ZNF354B: variants seen among roughly 807,000 people sequenced by gnomAD.
ZNF354B encodes zinc finger protein 354B.
A neutral mutation model predicts 12.9 loss-of-function variants in ZNF354B; 10 were observed. The observed-to-expected ratio is 0.77, with a 90% confidence interval of 0.48 to 1.31. The LOEUF (loss-of-function observed/expected upper bound fraction) is 1.31, where lower values mean the gene tolerates loss of function less well. Among genes scored for constraint, ZNF354B ranks in the 40% most tolerant of loss-of-function variants. ZNF354B has a pLI of 0.00. For synonymous variants in ZNF354B, 260 were observed against 243.7 expected, an observed-to-expected ratio of 1.07 and a Z score of -0.62; for missense variants, 614 against 711.7, an observed-to-expected ratio of 0.86 and a Z score of 1.56.
Position 178,883,944 on chromosome 5 carries a change from G to C in ZNF354B, c.1492G>C (p.Glu498Gln), listed in dbSNP as rs764661180. The change falls in exon 5 of 5, where the codon GAA becomes CAA. Residue 498 changes from glutamate to glutamine, a missense_variant. By Grantham distance (29) the Glu-to-Gln change is conservative. Transcript: ENST00000322434. ...TGGAGAAAGACCCTATAAGTGTAAC[G>C]AATGTGACAAAACATTCAGGTGTAA... is the stretch of plus-strand genomic sequence containing the variant. ...HTGERPYKCN[E>Q]CDKTFRCNSS... 6.2e-7 allele frequency: 1 copy of C among 1,614,068 alleles called. No homozygotes were observed. The highest frequency in any genetic ancestry group is 1.1e-5 in the South Asian group (1 of 91,078).
At chr5:178,861,532 A>G (rs938668089) in intron 2 of ZNF354B, among the ~76,000 whole-genome samples, 2 of 152,112 alleles carry the variant, frequency 1.3e-5, no homozygotes, top group Non-Finnish European at 2.9e-5. Flanking sequence ...TGTGAATCAT[A>G]TTCTTTGCTT....
At chr5:178,882,093 A>T (rs182975916) in intron 4 of ZNF354B, among the ~76,000 whole-genome samples, 1 of 152,178 alleles carries the variant, frequency 6.6e-6, no homozygotes, top group East Asian at 1.9e-4. Flanking sequence ...TATGTATTCT[A>T]TTATGTTGAG....
intron 2 of ZNF354B, among the ~76,000 whole-genome samples, chr5:178,861,639 T>C (rs112230731): frequency 0.022 from 3,364 of 149,990 alleles, 56 homozygotes; most frequent in Middle Eastern, 0.048. Flanking sequence ...GTGAACAGAG[T>C]TGGAGAGGTC....
chr5:178,880,575 T>C (rs1047361736), intron 4 of ZNF354B, among the ~76,000 whole-genome samples: 4 of 151,122 alleles, frequency 2.6e-5, no homozygotes, highest in Non-Finnish European at 4.4e-5. Flanking sequence ...TCATGGCTTA[T>C]TGTAGCCTCC....
In ZNF354B at chr5:178,883,167, G is replaced by A; in HGVS notation, c.715G>A (p.Glu239Lys). 4 of 1,613,544 alleles carry A rather than the reference G, an allele frequency of 2.5e-6. No homozygotes were observed. Among genetic ancestry groups the A allele is most frequent in the Middle Eastern group, 1.6e-4 (1 of 6,062 alleles). The change falls in exon 5 of 5, where the codon GAA becomes AAA. Residue 239 changes from glutamate (E) to lysine (K), a missense_variant. Coordinates refer to ENST00000322434, the MANE Select transcript of ZNF354B (RefSeq NM_058230.3). The part of the protein sequence containing the change: ...LRKHQKNHTG[E>K]KLFKCKECLK... ...TAAACATCAGAAAAACCACACTGGA[G>A]AAAAATTATTTAAATGTAAAGAATG...
intron 2 of ZNF354B, among the ~76,000 whole-genome samples, chr5:178,862,625 C>G (rs1327323031): frequency 6.6e-6 from 1 of 152,208 alleles, no homozygotes; most frequent in Non-Finnish European, 1.5e-5. Context: ...GCCACAGCCT[C>G]CCGGAGTGCT....
At chr5:178,868,705 G>T (rs1156659382) in intron 4 of ZNF354B, among the ~76,000 whole-genome samples, 1 of 152,188 alleles carries the variant, frequency 6.6e-6, no homozygotes, top group Admixed American at 6.5e-5. Flanking sequence ...GGGCACAGTG[G>T]CTCACGCCTG....
chr5:178,878,396 A>AT (rs1757668713), intron 4 of ZNF354B, among the ~76,000 whole-genome samples: 1 of 152,072 alleles, frequency 6.6e-6, no homozygotes, highest in African/African-American at 2.4e-5. Context: ...AAAAAAAAAA[A>AT]AAGTTACAGT....
At chr5:178,869,525 A>G (rs1207346698) in intron 4 of ZNF354B, among the ~76,000 whole-genome samples, 1 of 150,982 alleles carries the variant, frequency 6.6e-6, no homozygotes, top group Non-Finnish European at 1.5e-5. Flanking sequence ...TCTTGTGTGG[A>G]AGAGCAGGAA....
intron 4 of ZNF354B, among the ~76,000 whole-genome samples, chr5:178,871,766 G>A (rs1274219134): frequency 1.3e-5 from 2 of 152,212 alleles, no homozygotes; most frequent in African/African-American, 4.8e-5. Context: ...ACGAGATAGG[G>A]TTGTCAGGGA....
In ZNF354B at chr5:178,885,011, A is replaced by G. The variant is rs1192928977; in HGVS notation, c.*720A>G. 6.6e-6 allele frequency: 1 copy of G among 152,222 alleles called. No individual in the cohort carries two copies. The highest frequency in any genetic ancestry group is 1.5e-5 in the Non-Finnish European group (1 of 68,030). 9.4% of individuals were successfully genotyped at this position (152,222 alleles called of 1,614,324 possible). On this transcript the variant is annotated 3_prime_UTR_variant, in exon 5 of 5. Transcript: ENST00000322434. The stretch of plus-strand genomic sequence containing the variant: ...AACTTCGTGCATGGCTTTTATTAAA[A>G]AAGAAAAAATCTGTTCTCTTCTTTG...
At chr5:178,873,970 G>A (rs7729560) in intron 4 of ZNF354B, among the ~76,000 whole-genome samples, 20,879 of 139,390 alleles carry the variant, frequency 0.15, 1,873 homozygotes, top group African/African-American at 0.26. Flanking sequence ...TTTTTTTTGA[G>A]ATGGAGTCTC....
intron 4 of ZNF354B, among the ~76,000 whole-genome samples, chr5:178,868,784 A>G (rs1757506674): frequency 6.6e-6 from 1 of 152,116 alleles, no homozygotes; most frequent in African/African-American, 2.4e-5. Context: ...CATCCTGGCT[A>G]ACATGGTGAA....
At chr5:178,865,004 T>C (rs1337972363) in intron 2 of ZNF354B, among the ~76,000 whole-genome samples, 1 of 152,224 alleles carries the variant, frequency 6.6e-6, no homozygotes. Flanking sequence ...TGGATGTCTT[T>C]TTATGTCAAC....
chr5:178,884,122 A>G lies in ZNF354B; in HGVS notation c.1670A>G (p.Lys557Arg), dbSNP rs1342722607. Residue 557 changes from lysine to arginine, a missense_variant, in exon 5 of 5, where the codon AAA (lysine) becomes AGA (arginine). Lys to Arg is a conservative substitution (Grantham distance 26, BLOSUM62 2). Transcript: ENST00000322434. The part of the protein sequence containing the change: ...EKPFKCNTCG[K>R]TFRQSSSLIA... ...CCCTTTAAATGTAATACATGTGGAA[A>G]AACTTTTAGACAAAGCTCATCACTT... is the stretch of plus-strand genomic sequence containing the variant. 6.2e-7 allele frequency: 1 copy of G among 1,614,110 alleles called. No individual in the cohort carries two copies. Among genetic ancestry groups the G allele is most frequent in the Non-Finnish European group, 8.5e-7 (1 of 1,179,972 alleles).
chr5:178,868,971 CAAAA>C (rs374983108), intron 4 of ZNF354B, among the ~76,000 whole-genome samples: 12 of 96,218 alleles, frequency 1.2e-4, no homozygotes, highest in African/African-American at 1.7e-4. Context: ...GACTCCAACT[CAAAA>C]AAAAAAAAAA....
chr5:178,863,787 A>G (rs1247559744), intron 2 of ZNF354B, among the ~76,000 whole-genome samples: 1 of 152,204 alleles, frequency 6.6e-6, no homozygotes, highest in African/African-American at 2.4e-5. Context: ...GAGGTGGAAG[A>G]CAGTGGTGTT....
rs76329310 is a variant in ZNF354B at position 178,884,467 on chromosome 5, C to T, written c.*176C>T. ...TTGTCACTCACTTTTTAAAATATCC[C>T]GAGACAGTTCACTGTTGCAGACATT... On this transcript the variant is annotated 3_prime_UTR_variant, in exon 5 of 5. Transcript: ENST00000322434. 9.8e-3 allele frequency: 6,181 copies of T among 632,078 alleles called. 404 individuals are homozygous for T. In the East Asian group the frequency reaches 0.14, roughly 14 times the overall value. The allele number at this position is 632,078 out of a possible 1,614,324, so 39.2% of individuals were successfully genotyped here. A position where few individuals can be genotyped will look rare whatever the true frequency, so the allele number is the denominator to read the frequency against.
At chr5:178,861,625 G>T (rs1460602191) in intron 2 of ZNF354B, among the ~76,000 whole-genome samples, 1 of 152,072 alleles carries the variant, frequency 6.6e-6, no homozygotes, top group Middle Eastern at 3.4e-3. Flanking sequence ...TAGTTGAGAC[G>T]AGAGTGAACA....
Sources: allele counts gnomAD v4.1 joint callset (sites outside exome capture counted in the v4.1 genomes callset), GRCh38; gene constraint gnomAD v4.1.1; transcripts MANE v1.5; gene names NCBI Gene and HGNC (gene_info 2026-07-23, HGNC 2026-07-21).